The following DNAH7 variants were observed in gnomAD, a reference collection of about 807,000 sequenced individuals.
DNAH7 encodes axonemal beta dynein heavy chain 7.
Under a neutral mutation model 444.6 loss-of-function variants are expected in DNAH7, and 397 were observed. That is an observed-to-expected ratio of 0.89 (90% CI 0.82 to 0.97). The LOEUF (loss-of-function observed/expected upper bound fraction) is 0.97, where lower values mean the gene tolerates loss of function less well. DNAH7 is among the 50% of genes least tolerant of loss of function. DNAH7 has a pLI of 0.00. For synonymous variants in DNAH7, 1,636 were observed against 1,624.4 expected, an observed-to-expected ratio of 1.01 and a Z score of -0.17; for missense variants, 4,902 against 4,800.8, an observed-to-expected ratio of 1.02 and a Z score of -0.62.
At chr2:195,759,084 C>T (rs967717519) in intron 61 of DNAH7, among the ~76,000 whole-genome samples, 14 of 152,170 alleles carry the variant, frequency 9.2e-5, no homozygotes, top group Non-Finnish European at 1.6e-4. Context: ...GCTTGCACCA[C>T]CCCTCCCCCA....
intron 1 of DNAH7, among the ~76,000 whole-genome samples, chr2:196,067,093 T>C (rs1307225322): frequency 6.6e-6 from 1 of 152,190 alleles, no homozygotes; most frequent in African/African-American, 2.4e-5. Context: ...AGTGAGAGAC[T>C]AGGGTGTCAT....
intron 21 of DNAH7, among the ~76,000 whole-genome samples, chr2:195,932,859 G>A (rs1228029574): frequency 6.6e-6 from 1 of 152,114 alleles, no homozygotes; most frequent in African/African-American, 2.4e-5. Context: ...ATGTTCATCA[G>A]GGATATTGGT....
At chr2:195,786,568 G>A (rs13014191) in intron 58 of DNAH7, among the ~76,000 whole-genome samples, 4 of 145,386 alleles carry the variant, frequency 2.8e-5, no homozygotes, top group African/African-American at 1.1e-4. Context: ...GGCTTAAATA[G>A]ATTTTTTTTT....
chr2:195,885,515 A>T (rs1326933666), intron 34 of DNAH7, among the ~76,000 whole-genome samples: 1 of 151,976 alleles, frequency 6.6e-6, no homozygotes, highest in Non-Finnish European at 1.5e-5. Flanking sequence ...GAAACCATTT[A>T]ACACTAAATT....
chr2:195,811,071 T>C (rs988061822), intron 51 of DNAH7, among the ~76,000 whole-genome samples: 1 of 152,200 alleles, frequency 6.6e-6, no homozygotes, highest in African/African-American at 2.4e-5. Flanking sequence ...AATGGACATA[T>C]AATATGATAT....
intron 24 of DNAH7, among the ~76,000 whole-genome samples, chr2:195,917,357 C>T (rs1450058221): frequency 1.3e-5 from 2 of 152,048 alleles, no homozygotes; most frequent in Non-Finnish European, 2.9e-5. Context: ...GGGTACAACT[C>T]CAGTAAACAC....
chr2:196,055,416 G>A (rs1323036310), intron 2 of DNAH7, among the ~76,000 whole-genome samples: 2 of 152,044 alleles, frequency 1.3e-5, no homozygotes, highest in East Asian at 3.9e-4. Context: ...AGAAAAGAAA[G>A]GAAAAGAAAA....
At chr2:195,965,391 G>A (rs1285352271) in intron 17 of DNAH7, among the ~76,000 whole-genome samples, 1 of 152,032 alleles carries the variant, frequency 6.6e-6, no homozygotes, top group Non-Finnish European at 1.5e-5. Context: ...GAGGATTTTT[G>A]CCTCAATGTT....
rs186849698 is a variant in DNAH7 at position 195,873,668 on chromosome 2, G to A, written c.6313C>T (p.Arg2105Ter). The stretch of plus-strand genomic sequence containing the variant: ...ATAATATTGAAATGTCGCATGTATC[G>A]AGGAGTTACTGGATTTCGACCACCA... ...PGGGRNPVTP[R>*]YMRHFNIITI... The change falls in exon 39 of 65, where the codon CGA (arginine) becomes TGA (stop). Residue 2105 changes from arginine to a stop codon, truncating the protein, a stop_gained. Coordinates refer to ENST00000312428, the MANE Select transcript of DNAH7 (RefSeq NM_018897.3). LOFTEE classifies it high-confidence loss of function. 14 of 1,533,654 alleles carry A rather than the reference G, an allele frequency of 9.1e-6. No individual in the cohort carries two copies. In the East Asian group the frequency reaches 1.2e-4, roughly 14 times the overall value.
chr2:195,985,813 T>G, intron 14 of DNAH7, among the ~76,000 whole-genome samples: 1 of 152,166 alleles, frequency 6.6e-6, no homozygotes, highest in East Asian at 1.9e-4. Flanking sequence ...TTCTAGTTCT[T>G]TTACAGGAAA....
intron 10 of DNAH7, among the ~76,000 whole-genome samples, chr2:196,012,332 T>A (rs187796940): frequency 2.2e-3 from 333 of 152,242 alleles, no homozygotes; most frequent in African/African-American, 7.8e-3. Context: ...ATCTGATAGG[T>A]CTGCCTTCTA....
intron 30 of DNAH7, 136 bp from the exon 31 acceptor site, chr2:195,891,940 C>A (rs887188657): frequency 1.8e-6 from 1 of 571,348 alleles, no homozygotes; most frequent in Non-Finnish European, 2.8e-6. Context: ...AAGGTCCCAG[C>A]ATACAAGGTC....
intron 36 of DNAH7, among the ~76,000 whole-genome samples, chr2:195,877,287 C>T (rs1202475596): frequency 1.3e-5 from 2 of 152,160 alleles, no homozygotes; most frequent in Non-Finnish European, 2.9e-5. Context: ...CTGTATAGGG[C>T]ACAATCCCTT....
At chr2:195,752,686 T>C (rs1693858594) in intron 63 of DNAH7, among the ~76,000 whole-genome samples, 1 of 151,810 alleles carries the variant, frequency 6.6e-6, no homozygotes, top group African/African-American at 2.4e-5. Context: ...GCCAATGAGA[T>C]AAGGAAAATC....
At chr2:196,006,261 G>A (rs367765824) in intron 10 of DNAH7, among the ~76,000 whole-genome samples, 5 of 151,994 alleles carry the variant, frequency 3.3e-5, no homozygotes, top group East Asian at 1.9e-4. Flanking sequence ...AGCCAGGATC[G>A]CACCACTGCA....
intron 46 of DNAH7, among the ~76,000 whole-genome samples, chr2:195,849,471 T>TG: frequency 6.6e-6 from 1 of 152,340 alleles, no homozygotes; most frequent in South Asian, 2.1e-4. Flanking sequence ...AAATATCATC[T>TG]GGCTATTTTG....
intron 54 of DNAH7, among the ~76,000 whole-genome samples, chr2:195,801,675 C>T (rs1037140279): frequency 2.6e-5 from 4 of 152,142 alleles, no homozygotes; most frequent in Admixed American, 2.0e-4. Context: ...TATCTTAAAA[C>T]GATGGTCTAC....
intron 53 of DNAH7, among the ~76,000 whole-genome samples, chr2:195,807,616 T>C (rs1036130589): frequency 2.0e-5 from 3 of 152,144 alleles, no homozygotes; most frequent in African/African-American, 7.2e-5. Flanking sequence ...GACTTGAGAA[T>C]GTGTGTAATG....
intron 54 of DNAH7, among the ~76,000 whole-genome samples, chr2:195,803,671 T>C (rs1696578198): frequency 6.6e-6 from 1 of 152,248 alleles, no homozygotes; most frequent in Non-Finnish European, 1.5e-5. Flanking sequence ...CGGTCTTCTA[T>C]GTATGTTTTG....
Sources: gnomAD v4.1 joint callset for allele counts (sites outside exome capture counted in the v4.1 genomes callset) on GRCh38, gnomAD v4.1.1 for gene constraint, MANE v1.5 for transcripts, NCBI Gene and HGNC (gene_info 2026-07-23, HGNC 2026-07-21) for gene names.